The following ME1 variants were observed in gnomAD, a reference collection of about 807,000 sequenced individuals.
ME1 encodes the protein NADP-dependent malic enzyme.
In ME1, 74 loss-of-function variants were observed where a neutral mutation model predicts 66.4. The observed-to-expected ratio is 1.11, with a 90% CI of 0.92 to 1.35. The LOEUF (loss-of-function observed/expected upper bound fraction) is 1.35, where lower values mean the gene tolerates loss of function less well. Ranked by LOEUF, ME1 falls within the 40% of genes most tolerant of loss-of-function variation. The probability of loss-of-function intolerance (pLI) is 0.00; values close to 1 mark genes in which losing one functional copy is unlikely to be tolerated. For missense variants in ME1, 750 were observed against 694.1 expected (o/e 1.08, Z -0.90); for synonymous variants, 251 against 235.6 (o/e 1.07, Z -0.60).
intron 3 of ME1, among the ~76,000 whole-genome samples, chr6:83,369,654 AG>A: frequency 1.6e-5 from 1 of 64,248 alleles, no homozygotes; most frequent in East Asian, 3.3e-4. Context: ...AGACAGAGAG[AG>A]GAAGGAAGGA....
chr6:83,253,385 G>A (rs776432722), intron 7 of ME1, among the ~76,000 whole-genome samples: 2 of 151,978 alleles, frequency 1.3e-5, no homozygotes, highest in Non-Finnish European at 2.9e-5. Context: ...ATAATCACCA[G>A]GGATTTTGTC....
At chr6:83,221,783 G>T (rs1790095851) in intron 12 of ME1, among the ~76,000 whole-genome samples, 1 of 151,978 alleles carries the variant, frequency 6.6e-6, no homozygotes, top group Non-Finnish European at 1.5e-5. Flanking sequence ...AACAAAAAAT[G>T]AATGCTAGAA....
At chr6:83,399,679 T>C (rs970896676) in intron 2 of ME1, among the ~76,000 whole-genome samples, 3 of 152,240 alleles carry the variant, frequency 2.0e-5, no homozygotes, top group African/African-American at 7.2e-5. Flanking sequence ...CTCTTCATGA[T>C]ATCTGTAACC....
chr6:83,373,258 A>G (rs1425597808), intron 3 of ME1, among the ~76,000 whole-genome samples: 2 of 151,654 alleles, frequency 1.3e-5, no homozygotes, highest in Admixed American at 6.6e-5. Context: ...TTTTCTTCTG[A>G]AGAGTCTCAC....
intron 6 of ME1, among the ~76,000 whole-genome samples, chr6:83,283,577 TTAAAA>T (rs1318644223): frequency 2.0e-5 from 3 of 151,828 alleles, no homozygotes; most frequent in Non-Finnish European, 4.4e-5. Flanking sequence ...ATCCCAGAAC[TTAAAA>T]TAAAAAACAA....
intron 2 of ME1, among the ~76,000 whole-genome samples, chr6:83,405,269 T>C (rs533755251): frequency 1.3e-5 from 2 of 152,334 alleles, no homozygotes; most frequent in South Asian, 2.1e-4. Context: ...TTTGTAGCAA[T>C]TGTGAATGCG....
At chr6:83,406,782 A>G (rs1769952601) in intron 2 of ME1, among the ~76,000 whole-genome samples, 1 of 152,138 alleles carries the variant, frequency 6.6e-6, no homozygotes, top group Non-Finnish European at 1.5e-5. Context: ...AAATGGCTGA[A>G]GGCCTTAATA....
intron 3 of ME1, among the ~76,000 whole-genome samples, chr6:83,356,293 G>C (rs1428588486): frequency 6.6e-6 from 1 of 152,020 alleles, no homozygotes; most frequent in African/African-American, 2.4e-5. Flanking sequence ...AATAAGAAAA[G>C]TAAACCCCAC....
intron 2 of ME1, among the ~76,000 whole-genome samples, chr6:83,403,788 G>A (rs960130224): frequency 5.9e-5 from 9 of 152,246 alleles, no homozygotes; most frequent in African/African-American, 1.9e-4. Flanking sequence ...TGCTGAGGAT[G>A]ATGGTTTCCA....
intron 1 of ME1, among the ~76,000 whole-genome samples, chr6:83,411,366 GA>G (rs149609090): frequency 3.3e-4 from 43 of 128,466 alleles, no homozygotes; most frequent in Middle Eastern, 4.1e-3. Context: ...TCCGTCTCAA[GA>G]AAAAAAAAAA....
At chr6:83,386,279 T>C (rs926378644) in intron 3 of ME1, among the ~76,000 whole-genome samples, 1 of 151,942 alleles carries the variant, frequency 6.6e-6, no homozygotes, top group Non-Finnish European at 1.5e-5. Context: ...TTTAAGAGAA[T>C]TTCTAGAAAT....
chr6:83,346,108 C>CA, intron 5 of ME1, 65 bp downstream of exon 5: 1 of 1,270,610 alleles, frequency 7.9e-7, no homozygotes, highest in Non-Finnish European at 1.1e-6. Context: ...GGAATAAGTT[C>CA]AAAATGCAAG....
intron 3 of ME1, among the ~76,000 whole-genome samples, chr6:83,387,400 GC>G (rs1769530465): frequency 6.6e-6 from 1 of 151,758 alleles, no homozygotes; most frequent in Admixed American, 6.6e-5. Context: ...TTCTTTTCTT[GC>G]TGCTATTTCA....
At chr6:83,410,117 C>T (rs72913604) in intron 1 of ME1, among the ~76,000 whole-genome samples, 5,328 of 152,224 alleles carry the variant, frequency 0.035, 137 homozygotes, top group Non-Finnish European at 0.057. Context: ...AGAATGAAAA[C>T]TCCACGGGGC....
intron 5 of ME1, 89 bp from the exon 6 acceptor site, chr6:83,315,502 A>G: frequency 1.3e-6 from 1 of 750,886 alleles, no homozygotes; most frequent in Non-Finnish European, 2.3e-6. Context: ...AAAAGGGACA[A>G]AAATAGAAAT....
intron 6 of ME1, among the ~76,000 whole-genome samples, chr6:83,309,906 T>C (rs946348133): frequency 6.6e-6 from 1 of 152,058 alleles, no homozygotes; most frequent in African/African-American, 2.4e-5. Flanking sequence ...GAAGAAATTC[T>C]GTATGTTGGG....
At chr6:83,351,344 G>T (rs757088243) in intron 4 of ME1, among the ~76,000 whole-genome samples, 1 of 152,162 alleles carries the variant, frequency 6.6e-6, no homozygotes, top group Non-Finnish European at 1.5e-5. Flanking sequence ...GGTACTAAAA[G>T]ATACCACAAA....
intron 6 of ME1, among the ~76,000 whole-genome samples, chr6:83,303,282 T>G (rs1767762729): frequency 6.6e-6 from 1 of 152,208 alleles, no homozygotes; most frequent in African/African-American, 2.4e-5. Flanking sequence ...GCGAAGTTAA[T>G]TTGCTAGTTG....
rs778952829 is a variant in ME1, at chr6:83,223,778, A to G, written c.1431T>C (p.Ile477=). 1.9e-6 allele frequency: 3 copies of G among 1,613,668 alleles called. No individual in the cohort carries two copies. In the East Asian group the frequency reaches 6.7e-5, roughly 36 times the overall value. ...ACAATACCTCAGCAGTAGTGAGGAA[A>G]ATATTATCTGTGATCTGCCTCAATC... is the stretch of plus-strand genomic sequence containing the variant. ...ACGLRQITDN[I]FLTTAEVIAQ... The change falls in exon 12 of 14, where the codon ATT becomes ATC. Residue 477 remains isoleucine (I), a synonymous_variant. Transcript: ENST00000369705.
Sources: allele counts gnomAD v4.1 joint callset (sites outside exome capture counted in the v4.1 genomes callset), GRCh38; gene constraint gnomAD v4.1.1; transcripts MANE v1.5; gene names NCBI Gene and HGNC (gene_info 2026-07-23, HGNC 2026-07-21).